PRCP: variants seen among roughly 807,000 people sequenced by gnomAD.
PRCP encodes the protein lysosomal Pro-X carboxypeptidase.
In PRCP, 46 loss-of-function variants were observed where a neutral mutation model predicts 54.2. The ratio of observed to expected loss-of-function variants is 0.85; its 90% confidence interval spans 0.67 to 1.09. The LOEUF (loss-of-function observed/expected upper bound fraction) is 1.09, where lower values mean the gene tolerates loss of function less well. Ranked by LOEUF, PRCP falls within the 50% of genes least tolerant of loss-of-function variation. The probability of loss-of-function intolerance (pLI) is 0.00; values close to 1 mark genes in which losing one functional copy is unlikely to be tolerated. For synonymous variants in PRCP, 240 were observed against 212.2 expected, an observed-to-expected ratio of 1.13 and a Z score of -1.14; for missense variants, 613 against 596.8, an observed-to-expected ratio of 1.03 and a Z score of -0.28.
chr11:82,862,316 C>T (rs148700562), intron 1 of PRCP, among the ~76,000 whole-genome samples: 139 of 152,260 alleles, frequency 9.1e-4, no homozygotes, highest in Non-Finnish European at 1.7e-3. Context: ...AATACTATAA[C>T]ATGGTAAGAT....
At chr11:82,849,777 T>C in intron 5 of PRCP, 137 bp downstream of exon 5, 1 of 792,428 alleles carries the variant, frequency 1.3e-6, no homozygotes, top group Non-Finnish European at 1.7e-6. Context: ...CGCATTTTGA[T>C]TTGATTTTGA....
chr11:82,835,122 A>T (rs1247625225), intron 8 of PRCP, among the ~76,000 whole-genome samples: 1 of 152,254 alleles, frequency 6.6e-6, no homozygotes, highest in African/African-American at 2.4e-5. Context: ...TGATGGGTTG[A>T]TAGGTGCAGC....
At chr11:82,830,225 T>C (rs1038662440) in intron 8 of PRCP, 4 of 152,114 alleles carry the variant, frequency 2.6e-5, no homozygotes, top group Admixed American at 2.0e-4. Context: ...ATAATAAGTA[T>C]TACCACCACC....
Position 82,849,052 on chromosome 11 carries a change from G to C in PRCP, c.918C>G (p.Ile306Met), listed in dbSNP as rs768208315. The C allele has an allele frequency of 2.5e-6, 4 of 1,612,284 alleles. No individual in the cohort carries two copies. The highest frequency in any genetic ancestry group is 4.5e-5 in the East Asian group (2 of 44,844). The change falls in exon 6 of 9, where the codon ATC becomes ATG. Residue 306 changes from isoleucine (I) to methionine (M), a missense_variant. Coordinates refer to ENST00000313010, the MANE Select transcript of PRCP (RefSeq NM_005040.4). Reference protein sequence around the residue: ...NFLQPLPAWPIKVVCQYLKNP... With the variant: ...NFLQPLPAWPMKVVCQYLKNP... ...TGACAGGACATTTTCCTATTACCTTGATAGGCCAAGCAGGCAAAGGCTGTA... is the reference window on the plus strand; with the variant it reads ...TGACAGGACATTTTCCTATTACCTTCATAGGCCAAGCAGGCAAAGGCTGTA...
At chr11:82,900,008 A>G (rs765939941) in intron 1 of PRCP, 2 of 558,772 alleles carry the variant, frequency 3.6e-6, no homozygotes, top group Non-Finnish European at 6.2e-6. Flanking sequence ...AAAAGCCTGA[A>G]TCAAGAGTAT....
chr11:82,896,436 G>A (rs1040897034), intron 1 of PRCP, among the ~76,000 whole-genome samples: 2 of 152,002 alleles, frequency 1.3e-5, no homozygotes, highest in Non-Finnish European at 2.9e-5. Context: ...CTCACTTTGG[G>A]AGGCCAAGGT....
At chr11:82,825,238 G>A in intron 8 of PRCP, 116 bp from the exon 9 acceptor site, 1 of 926,644 alleles carries the variant, frequency 1.1e-6, no homozygotes, top group Non-Finnish European at 1.6e-6. Flanking sequence ...CTTGTAACCT[G>A]GGGGATTTGA....
Position 82,885,334 on chromosome 11 carries a change from A to G in PRCP, c.168+14901T>C, listed in dbSNP as rs1046401114. ...ATAACATGAGTGCTTTGGATATTTT[A>G]TTTTTTAAATAACCTGTGACATCAC... On this transcript the variant is annotated intron_variant, in intron 1 of 8. Coordinates refer to ENST00000313010, the MANE Select transcript of PRCP (RefSeq NM_005040.4). Among the ~76,000 whole-genome samples, 4 of 152,270 alleles carry G rather than the reference A, an allele frequency of 2.6e-5. No homozygotes were observed. The South Asian group carries it at 8.3e-4, about 32-fold the overall frequency.
At chr11:82,854,240 C>T (rs10898039) in intron 2 of PRCP, among the ~76,000 whole-genome samples, 37,350 of 152,036 alleles carry the variant, frequency 0.25, 4,863 homozygotes, top group Admixed American at 0.3. Context: ...TGATATGATG[C>T]TATACCTAGA....
chr11:82,855,906 G>A (rs527729574), intron 2 of PRCP, among the ~76,000 whole-genome samples: 8 of 152,248 alleles, frequency 5.3e-5, no homozygotes, highest in East Asian at 1.9e-4. Context: ...CTGTTAGTAC[G>A]ATATAAATTA....
At chr11:82,863,964 T>G (rs888915003) in intron 1 of PRCP, among the ~76,000 whole-genome samples, 1 of 152,254 alleles carries the variant, frequency 6.6e-6, no homozygotes, top group Non-Finnish European at 1.5e-5. Flanking sequence ...TTAACCTCTC[T>G]GAACCTTAGT....
chr11:82,838,256 G>C, intron 8 of PRCP, 131 bp downstream of exon 8: 1 of 816,732 alleles, frequency 1.2e-6, no homozygotes, highest in South Asian at 2.8e-5. Context: ...TCAAGGCATA[G>C]GAAAACATGA....
chr11:82,900,436 G>A (rs1860251262), upstream of PRCP: 1 of 1,605,962 alleles, frequency 6.2e-7, no homozygotes, highest in Middle Eastern at 2.0e-4. Context: ...CGGGTGGGAG[G>A]GCGAAAAGGA....
intron 1 of PRCP, among the ~76,000 whole-genome samples, chr11:82,886,868 G>T (rs1227187733): frequency 6.6e-6 from 1 of 152,156 alleles, no homozygotes. Flanking sequence ...ACTGTGTTCT[G>T]TCCCACACCA....
At position 82,860,433 on chromosome 11, in the gene PRCP, T is replaced by C. The variant is rs1859183389; in HGVS notation, c.169-316A>G. Among the ~76,000 whole-genome samples the C allele has an allele frequency of 2.6e-5, 4 of 152,214 alleles. No homozygotes were observed. In the South Asian group the frequency reaches 8.3e-4, roughly 32 times the overall value. ...TGAATTGTAAATACAATGTGAACCCTTTTTTAATTTTTAATGCATTTTTAA... is the reference window on the plus strand; with the variant it reads ...TGAATTGTAAATACAATGTGAACCCCTTTTTAATTTTTAATGCATTTTTAA... On this transcript the variant is annotated intron_variant, in intron 1 of 8. Coordinates refer to ENST00000313010, the MANE Select transcript of PRCP (RefSeq NM_005040.4).
At chr11:82,845,678 T>G (rs997230119) in intron 6 of PRCP, 1 of 152,218 alleles carries the variant, frequency 6.6e-6, no homozygotes, top group African/African-American at 2.4e-5. Flanking sequence ...TATATCTATC[T>G]ACATGCACAG....
intron 1 of PRCP, among the ~76,000 whole-genome samples, chr11:82,882,589 G>A (rs1196230176): frequency 1.4e-5 from 2 of 144,236 alleles, no homozygotes; most frequent in Non-Finnish European, 3.0e-5. Flanking sequence ...TCCGCCTCCC[G>A]GGTTCACGCC....
intron 8 of PRCP, among the ~76,000 whole-genome samples, chr11:82,832,045 A>C (rs1368234411): frequency 6.6e-6 from 1 of 152,170 alleles, no homozygotes; most frequent in Non-Finnish European, 1.5e-5. Flanking sequence ...AAAGGACATG[A>C]ACTCATCCTT....
intron 1 of PRCP, among the ~76,000 whole-genome samples, chr11:82,881,828 TA>T (rs1227599189): frequency 1.3e-5 from 2 of 152,016 alleles, no homozygotes; most frequent in African/African-American, 2.4e-5. Flanking sequence ...ACAGGGTGAT[TA>T]GGGGCACCAA....
Sources: gnomAD v4.1 joint callset for allele counts (sites outside exome capture counted in the v4.1 genomes callset) on GRCh38, gnomAD v4.1.1 for gene constraint, MANE v1.5 for transcripts, NCBI Gene and HGNC (gene_info 2026-07-23, HGNC 2026-07-21) for gene names.